Variants in GLI2 observed in about 807,000 individuals in gnomAD.
The protein encoded by GLI2 is transcription activator GLI2.
In GLI2, 22 loss-of-function variants were observed where a neutral mutation model predicts 78.9. The observed-to-expected ratio is 0.28, with a 90% confidence interval of 0.20 to 0.40. The LOEUF (loss-of-function observed/expected upper bound fraction) is 0.40. GLI2 is among the 10% of genes least tolerant of loss of function. GLI2 has a pLI of 1.00. For missense variants in GLI2, 2,097 were observed against 2,213.2 expected (o/e 0.95, Z 1.05); for synonymous variants, 974 against 963.7 (o/e 1.01, Z -0.20).
chr2:120,990,741 A>G lies in GLI2; in HGVS notation c.*66A>G, dbSNP rs1683264394. ...TCGCTGCCCAGAGCCTGGGGATTCC[A>G]GCTGTCTTGTCTTTTTCCAAAAAAG... On this transcript the variant is annotated 3_prime_UTR_variant, in exon 14 of 14. Coordinates refer to ENST00000361492, the MANE Select transcript of GLI2 (RefSeq NM_001374353.1). The G allele has an allele frequency of 1.4e-6, 2 of 1,383,036 alleles. No individual in the cohort carries two copies. Among genetic ancestry groups the G allele is most frequent in the African/African-American group, 1.4e-5 (1 of 69,420 alleles). 85.7% of individuals were successfully genotyped at this position (1,383,036 alleles called of 1,614,324 possible). A position where few individuals can be genotyped will look rare whatever the true frequency, so the allele number is the denominator to read the frequency against.
chr2:120,942,125 C>T (rs1426881253), intron 3 of GLI2, among the ~76,000 whole-genome samples: 2 of 152,174 alleles, frequency 1.3e-5, no homozygotes, highest in Non-Finnish European at 2.9e-5. Context: ...TGCCACCTCC[C>T]TAGGGCCAAC....
At chr2:120,896,712 C>T (rs60625473) in intron 2 of GLI2, among the ~76,000 whole-genome samples, 26 of 53,154 alleles carry the variant, frequency 4.9e-4, no homozygotes, top group African/African-American at 2.0e-3. Context: ...CACACACACA[C>T]ACACACACAC....
chr2:120,803,020 A>C (rs980573001), intron 2 of GLI2, among the ~76,000 whole-genome samples: 1 of 152,264 alleles, frequency 6.6e-6, no homozygotes, highest in Non-Finnish European at 1.5e-5. Context: ...GGAGAACCGC[A>C]TGTTCTGACT....
chr2:120,876,898 A>C (rs1216012028), intron 2 of GLI2, among the ~76,000 whole-genome samples: 1 of 152,220 alleles, frequency 6.6e-6, no homozygotes, highest in Non-Finnish European at 1.5e-5. Context: ...CCTGTGCTTA[A>C]CTGTAGGTTC....
chr2:120,986,444 C>T lies in GLI2; in HGVS notation c.2072C>T (p.Ala691Val). The change falls in exon 13 of 14, where the codon GCC (alanine) becomes GTC (valine). Residue 691 changes from alanine (A) to valine (V), a missense_variant. Physicochemically the swap from Ala to Val is moderately conservative, Grantham distance 64. Transcript: ENST00000361492. ...DDTPPGADTS[A>V]LAAPSAGGLQ... ...ACACCCCCAGGGGCCGACACCTCAG[C>T]CCTGGCTGCCCCCTCCGCTGGTGGC... 6.2e-7 allele frequency: 1 copy of T among 1,613,930 alleles called. No homozygotes were observed. Among genetic ancestry groups the T allele is most frequent in the Non-Finnish European group, 8.5e-7 (1 of 1,180,020 alleles).
chr2:120,777,926 A>T (rs1043954202), intron 1 of GLI2, among the ~76,000 whole-genome samples: 1 of 152,050 alleles, frequency 6.6e-6, no homozygotes, highest in Admixed American at 6.5e-5. Context: ...GAGTGGGAGC[A>T]CGGAGACTCA....
intron 2 of GLI2, among the ~76,000 whole-genome samples, chr2:120,829,179 A>G (rs1017235131): frequency 2.6e-5 from 4 of 152,134 alleles, no homozygotes; most frequent in African/African-American, 9.7e-5. Flanking sequence ...TCATACACTT[A>G]TACACACATG....
intron 2 of GLI2, among the ~76,000 whole-genome samples, chr2:120,878,586 A>C (rs1357795154): frequency 6.6e-6 from 1 of 152,186 alleles, no homozygotes; most frequent in Non-Finnish European, 1.5e-5. Flanking sequence ...TATTTTTTTA[A>C]ACTCATATCC....
rs541743598 is a variant in GLI2, at chr2:120,859,673, T to A, written c.148+62205T>A. ...TTTCACCATGTTGGCCACAATGGTC[T>A]CCATCTCTCGGCCTCAGGTGATCCG... is the stretch of plus-strand genomic sequence containing the variant. On this transcript the variant is annotated intron_variant, in intron 2 of 13. Transcript: ENST00000361492. 8.5e-4 allele frequency among the ~76,000 whole-genome samples: 130 copies of A among 152,216 alleles called. 1 individual carries two copies. Among genetic ancestry groups the A allele is most frequent in the African/African-American group, 3.1e-3 (127 of 41,554 alleles).
intron 2 of GLI2, among the ~76,000 whole-genome samples, chr2:120,813,416 T>C (rs1257629998): frequency 6.6e-6 from 1 of 152,184 alleles, no homozygotes. Flanking sequence ...AGCATCCTCA[T>C]CCCAGAATGG....
chr2:120,819,242 T>TTTC (rs1228441665), intron 2 of GLI2, among the ~76,000 whole-genome samples: 1 of 142,574 alleles, frequency 7.0e-6, no homozygotes, highest in Non-Finnish European at 1.5e-5. Flanking sequence ...AATAGAGATT[T>TTTC]TTTTTTTTTT....
intron 2 of GLI2, among the ~76,000 whole-genome samples, chr2:120,821,502 G>C (rs1195558375): frequency 6.6e-6 from 1 of 152,146 alleles, no homozygotes; most frequent in African/African-American, 2.4e-5. Flanking sequence ...CCTCGGATGG[G>C]CTTGTAAACC....
intron 2 of GLI2, among the ~76,000 whole-genome samples, chr2:120,924,306 G>A (rs1679550672): frequency 6.6e-6 from 1 of 152,204 alleles, no homozygotes; most frequent in Non-Finnish European, 1.5e-5. Flanking sequence ...GTGGGTCGAT[G>A]GGGGTCTGGG....
chr2:120,763,268 A>G (rs955672775), intron 1 of GLI2, among the ~76,000 whole-genome samples: 1 of 152,164 alleles, frequency 6.6e-6, no homozygotes, highest in Non-Finnish European at 1.5e-5. Flanking sequence ...TTCTTGACCT[A>G]AAGGAGCCCC....
At chr2:120,797,522 G>T (rs115905153) in intron 2 of GLI2, 54 bp downstream of exon 2, 2 of 1,552,232 alleles carry the variant, frequency 1.3e-6, no homozygotes, top group Admixed American at 1.7e-5. Context: ...TCATTAGCCC[G>T]TTAGGATTTA....
chr2:120,990,265 A>T lies in GLI2; in HGVS notation c.4300A>T (p.Ile1434Phe), dbSNP rs761024643. 1.2e-6 allele frequency: 2 copies of T among 1,613,688 alleles called. No homozygotes were observed. The highest frequency in any genetic ancestry group is 1.7e-5 in the Admixed American group (1 of 60,026). Residue 1434 changes from isoleucine (I) to phenylalanine (F), a missense_variant, in exon 14 of 14, where the codon ATC becomes TTC. Around this residue, in one of 5 missense-constraint regions of GLI2, gnomAD observed 1,290 missense variants for 1,261.7 expected, o/e 1.02. Transcript: ENST00000361492. ...DHSMLYYYGQ[I>F]HMYEQDGGLE... ...CAGCATGCTCTACTACTACGGCCAG[A>T]TCCACATGTACGAACAGGATGGAGG...
At chr2:120,778,129 C>T (rs114446855) in intron 1 of GLI2, among the ~76,000 whole-genome samples, 1,630 of 152,240 alleles carry the variant, frequency 0.011, 14 homozygotes, top group African/African-American at 0.036. Context: ...AGAGCTGCTG[C>T]CACCTAACTG....
At chr2:120,869,502 A>G (rs1688321880) in intron 2 of GLI2, among the ~76,000 whole-genome samples, 1 of 152,232 alleles carries the variant, frequency 6.6e-6, no homozygotes, top group South Asian at 2.1e-4. Flanking sequence ...TGAAATGGCC[A>G]TAATCCTCCT....
intron 3 of GLI2, among the ~76,000 whole-genome samples, chr2:120,945,955 T>TCACACACACACA (rs1240890746): frequency 1.7e-4 from 2 of 11,562 alleles, no homozygotes; most frequent in African/African-American, 2.6e-4. Flanking sequence ...GGCATAACCT[T>TCACACACACACA]CTCACACACA....
Sources: gnomAD v4.1 joint callset for allele counts (sites outside exome capture counted in the v4.1 genomes callset) on GRCh38, gnomAD v4.1.1 for gene constraint, gnomAD v4.1.1 regional missense constraint, MANE v1.5 for transcripts, NCBI Gene and HGNC (gene_info 2026-07-23, HGNC 2026-07-21) for gene names.